KHDRBS2: variants seen among roughly 807,000 people sequenced by gnomAD.
The protein encoded by KHDRBS2 is KH RNA binding domain containing, signal transduction associated 2.
In KHDRBS2, 26 loss-of-function variants were observed where a neutral mutation model predicts 44.3. The observed-to-expected ratio is 0.59, with a 90% CI of 0.43 to 0.81. KHDRBS2 has a LOEUF of 0.81. KHDRBS2 is among the 40% of genes least tolerant of loss of function. KHDRBS2 has a pLI of 0.00. For missense variants in KHDRBS2, 476 were observed against 433.1 expected (o/e 1.10, Z -0.88); for synonymous variants, 194 against 151.1 (o/e 1.28, Z -2.08).
At chr6:61,955,552 ATG>A (rs1447840857) in intron 4 of KHDRBS2, among the ~76,000 whole-genome samples, 1 of 71,944 alleles carries the variant, frequency 1.4e-5, no homozygotes, top group Non-Finnish European at 3.0e-5. Context: ...ACACATATGT[ATG>A]TATACATGTG....
intron 6 of KHDRBS2, among the ~76,000 whole-genome samples, chr6:61,845,406 T>C (rs998812309): frequency 6.7e-6 from 1 of 148,760 alleles, no homozygotes; most frequent in African/African-American, 2.5e-5. Flanking sequence ...GCCTCCCGGG[T>C]TCGAGCGATT....
chr6:61,828,913 G>C (rs953162132), intron 6 of KHDRBS2, among the ~76,000 whole-genome samples: 4 of 152,200 alleles, frequency 2.6e-5, no homozygotes, highest in Non-Finnish European at 5.9e-5. Flanking sequence ...ACCTTAAGTT[G>C]TGTTGAAAGC....
chr6:61,863,172 T>C (rs1166430103), intron 6 of KHDRBS2, among the ~76,000 whole-genome samples: 1 of 151,970 alleles, frequency 6.6e-6, no homozygotes, highest in African/African-American at 2.4e-5. Context: ...GAATCTTCTC[T>C]CTTTTCTTCT....
At chr6:62,045,542 T>G (rs1226724905) in intron 3 of KHDRBS2, among the ~76,000 whole-genome samples, 1 of 152,114 alleles carries the variant, frequency 6.6e-6, no homozygotes, top group Non-Finnish European at 1.5e-5. Context: ...ATATTTATTA[T>G]CTGTCTTTCC....
At chr6:61,684,304 A>T (rs1188791034) in intron 8 of KHDRBS2, among the ~76,000 whole-genome samples, 4 of 151,872 alleles carry the variant, frequency 2.6e-5, no homozygotes, top group African/African-American at 9.7e-5. Flanking sequence ...CACTGCAAGT[A>T]CCACATATAG....
intron 8 of KHDRBS2, among the ~76,000 whole-genome samples, chr6:61,683,765 C>G (rs1403844795): frequency 5.3e-5 from 8 of 151,782 alleles, no homozygotes; most frequent in African/African-American, 1.7e-4. Flanking sequence ...AATATGTGCT[C>G]TTTTATAACG....
At chr6:61,892,063 C>T (rs991963793) in intron 6 of KHDRBS2, among the ~76,000 whole-genome samples, 8 of 152,174 alleles carry the variant, frequency 5.3e-5, no homozygotes, top group Admixed American at 1.3e-4. Flanking sequence ...TCTCAAGATA[C>T]AAAATCAATG....
chr6:62,251,762 T>C (rs1372506391), intron 1 of KHDRBS2, among the ~76,000 whole-genome samples: 1 of 151,944 alleles, frequency 6.6e-6, no homozygotes, highest in Non-Finnish European at 1.5e-5. Flanking sequence ...TCACACAATA[T>C]GGAAATAATT....
At position 61,971,628 on chromosome 6, in the gene KHDRBS2, TTCTC is replaced by T. The variant is rs894945406; in HGVS notation, c.483+6434_483+6437del. ...TTTCAAGAGGCTAATCGAACTCTCT[TTCTC>T]TCTCTCTTCCTCTCCCCCTTCCACT... is the stretch of plus-strand genomic sequence containing the variant. On this transcript the variant is annotated intron_variant, in intron 4 of 8. Transcript: ENST00000281156. 9.5e-4 allele frequency among the ~76,000 whole-genome samples: 144 copies of T among 152,010 alleles called. 1 individual carries two copies. Among genetic ancestry groups the T allele is most frequent in the Non-Finnish European group, 2.6e-4 (18 of 67,974 alleles).
chr6:61,681,069 AAG>A lies in KHDRBS2; in HGVS notation c.953-11_953-10del. On this transcript the variant is annotated splice_polypyrimidine_tract_variant and intron_variant, in intron 8 of 8. Transcript: ENST00000281156. ...GGCCCATTCTTCTGGTGCTGTGAAA[AAG>A]AGAAAGATAGTAACACACACATGAC... The A allele has an allele frequency of 6.3e-7, 1 of 1,598,440 alleles. No homozygotes were observed.
intron 2 of KHDRBS2, among the ~76,000 whole-genome samples, chr6:62,054,053 A>G (rs1584389783): frequency 1.3e-5 from 2 of 152,032 alleles, no homozygotes; most frequent in East Asian, 3.9e-4. Context: ...TGAGAGATAT[A>G]TTGTGTTCAT....
chr6:61,809,570 A>C (rs537085643), intron 6 of KHDRBS2, among the ~76,000 whole-genome samples: 10 of 152,282 alleles, frequency 6.6e-5, no homozygotes, highest in Admixed American at 2.0e-4. Context: ...CAATAAAAAA[A>C]ACCTAAAGCC....
At chr6:62,056,337 T>A (rs1041373377) in intron 2 of KHDRBS2, among the ~76,000 whole-genome samples, 4 of 152,070 alleles carry the variant, frequency 2.6e-5, no homozygotes, top group Admixed American at 1.3e-4. Context: ...ATAAAACTCA[T>A]AAACAAGTAA....
chr6:61,905,913 T>C (rs1327391882), intron 4 of KHDRBS2, among the ~76,000 whole-genome samples: 3 of 141,736 alleles, frequency 2.1e-5, no homozygotes, highest in Non-Finnish European at 4.5e-5. Flanking sequence ...TGGAGTGCAG[T>C]GGCATGATCT....
intron 6 of KHDRBS2, among the ~76,000 whole-genome samples, chr6:61,868,962 C>A (rs1798196719): frequency 6.6e-6 from 1 of 152,090 alleles, no homozygotes; most frequent in African/African-American, 2.4e-5. Context: ...GACCCAAGGC[C>A]CTGGTGGAGT....
intron 6 of KHDRBS2, among the ~76,000 whole-genome samples, chr6:61,867,955 G>C (rs1348700496): frequency 6.6e-6 from 1 of 152,174 alleles, no homozygotes; most frequent in Non-Finnish European, 1.5e-5. Context: ...GCTTAAAGAA[G>C]CAGCCTGGCT....
Position 61,954,659 on chromosome 6 carries a change from C to A in KHDRBS2, c.483+23407G>T, listed in dbSNP as rs143293751. 1.1e-4 allele frequency among the ~76,000 whole-genome samples: 12 copies of A among 111,610 alleles called. 1 individual carries two copies. The highest frequency in any genetic ancestry group is 1.9e-5 in the Non-Finnish European group (1 of 52,414). 73.2% of individuals were successfully genotyped at this position (111,610 alleles called of 152,430 possible). ...ACACATACATACTTATGTATACATA[C>A]ATATGTGTATATACACATACATACT... On this transcript the variant is annotated intron_variant, in intron 4 of 8. Coordinates refer to ENST00000281156, the MANE Select transcript of KHDRBS2 (RefSeq NM_152688.4).
chr6:61,881,703 G>A (rs1403474604), intron 6 of KHDRBS2, among the ~76,000 whole-genome samples: 2 of 151,974 alleles, frequency 1.3e-5, no homozygotes, highest in Non-Finnish European at 2.9e-5. Flanking sequence ...AATTTGTCTA[G>A]TTGGGAACAC....
At chr6:61,808,892 A>C (rs1230338318) in intron 6 of KHDRBS2, among the ~76,000 whole-genome samples, 1 of 152,072 alleles carries the variant, frequency 6.6e-6, no homozygotes, top group Non-Finnish European at 1.5e-5. Context: ...AATTATATAA[A>C]AGGAATAAAG....
Sources: gnomAD v4.1 joint callset for allele counts (sites outside exome capture counted in the v4.1 genomes callset) on GRCh38, gnomAD v4.1.1 for gene constraint, MANE v1.5 for transcripts, NCBI Gene and HGNC (gene_info 2026-07-23, HGNC 2026-07-21) for gene names.